The following CPQ variants were observed in gnomAD, a reference collection of about 807,000 sequenced individuals.
CPQ encodes the protein Ser-Met dipeptidase.
In CPQ, 37 loss-of-function variants were observed where a neutral mutation model predicts 45.7. The observed-to-expected ratio is 0.81, with a 90% CI of 0.62 to 1.07. CPQ has a LOEUF of 1.07. Ranked by LOEUF, CPQ falls within the 50% of genes least tolerant of loss-of-function variation. CPQ has a pLI of 0.00. For synonymous variants in CPQ, 186 were observed against 205.8 expected (o/e 0.90, Z 0.82); for missense variants, 537 against 572.9 (o/e 0.94, Z 0.64).
At chr8:96,773,432 C>A (rs1246044652) in intron 1 of CPQ, among the ~76,000 whole-genome samples, 2 of 152,082 alleles carry the variant, frequency 1.3e-5, no homozygotes, top group Admixed American at 6.6e-5. Context: ...GACTAGTGAG[C>A]TGAATCTTGC....
chr8:97,142,088 G>T (rs575573952), intron 7 of CPQ, among the ~76,000 whole-genome samples: 1 of 152,082 alleles, frequency 6.6e-6, no homozygotes, highest in Non-Finnish European at 1.5e-5. Flanking sequence ...AGATACTGGT[G>T]ATATCATTCT....
At chr8:97,103,404 A>G (rs1811350279) in intron 7 of CPQ, among the ~76,000 whole-genome samples, 1 of 152,210 alleles carries the variant, frequency 6.6e-6, no homozygotes, top group African/African-American at 2.4e-5. Context: ...TCACTTTAGA[A>G]AACTAGTATT....
chr8:96,849,239 C>A (rs1811739879), intron 3 of CPQ, among the ~76,000 whole-genome samples: 1 of 152,058 alleles, frequency 6.6e-6, no homozygotes, highest in Non-Finnish European at 1.5e-5. Context: ...AATTACTGAA[C>A]CTATTCTTGA....
chr8:96,671,237 G>T (rs1185524047), intron 1 of CPQ, among the ~76,000 whole-genome samples: 1 of 152,080 alleles, frequency 6.6e-6, no homozygotes, highest in Non-Finnish European at 1.5e-5. Flanking sequence ...TTGAATTCCT[G>T]CTTCGTTCTC....
At chr8:97,047,288 T>C (rs1192538892) in intron 6 of CPQ, among the ~76,000 whole-genome samples, 1 of 152,220 alleles carries the variant, frequency 6.6e-6, no homozygotes, top group Non-Finnish European at 1.5e-5. Flanking sequence ...GAGCCTGAAC[T>C]TGGACTTCAG....
At chr8:96,858,567 T>G (rs1050842415) in intron 3 of CPQ, among the ~76,000 whole-genome samples, 1 of 152,044 alleles carries the variant, frequency 6.6e-6, no homozygotes, top group African/African-American at 2.4e-5. Context: ...TGAGCAGAGG[T>G]CTCCCATTTG....
At position 96,909,976 on chromosome 8, in the gene CPQ, C is replaced by T. The variant is rs368058682; in HGVS notation, c.849+29971C>T. Among the ~76,000 whole-genome samples, 201 of 152,262 alleles carry T rather than the reference C, an allele frequency of 1.3e-3. 1 individual carries two copies. The highest frequency in any genetic ancestry group is 4.7e-3 in the African/African-American group (196 of 41,548). ...GTGTAGTGCTCGACCAGGTTGAGCA[C>T]GGGATTTGGAGTCAGCAGAACAGGT... On this transcript the variant is annotated intron_variant, in intron 4 of 7. Transcript: ENST00000220763.
At chr8:97,087,369 C>A (rs1453376283) in intron 7 of CPQ, among the ~76,000 whole-genome samples, 1 of 151,994 alleles carries the variant, frequency 6.6e-6, no homozygotes, top group African/African-American at 2.4e-5. Flanking sequence ...CTCAGGCAGG[C>A]AGCCTCGCCC....
intron 2 of CPQ, among the ~76,000 whole-genome samples, chr8:96,795,677 A>G (rs1810918365): frequency 6.6e-6 from 1 of 152,164 alleles, no homozygotes; most frequent in Admixed American, 6.5e-5. Flanking sequence ...TGCAATAATT[A>G]ATATAATGCC....
intron 2 of CPQ, among the ~76,000 whole-genome samples, chr8:96,817,471 A>C (rs1345393625): frequency 6.6e-6 from 1 of 152,168 alleles, no homozygotes; most frequent in African/African-American, 2.4e-5. Context: ...GAAGAGAGTT[A>C]GGGCTTTCCT....
intron 1 of CPQ, among the ~76,000 whole-genome samples, chr8:96,767,575 T>C (rs1278723536): frequency 6.6e-6 from 1 of 150,496 alleles, no homozygotes; most frequent in African/African-American, 2.4e-5. Context: ...TTTTTAACAA[T>C]TAGTCTTTGG....
chr8:96,948,280 A>G (rs1262067146), intron 4 of CPQ, among the ~76,000 whole-genome samples: 2 of 152,110 alleles, frequency 1.3e-5, no homozygotes, highest in Non-Finnish European at 2.9e-5. Flanking sequence ...GATAGTATGA[A>G]CATTTTAACA....
chr8:97,061,491 A>G (rs1810552347), intron 6 of CPQ, among the ~76,000 whole-genome samples: 1 of 152,126 alleles, frequency 6.6e-6, no homozygotes, highest in Non-Finnish European at 1.5e-5. Flanking sequence ...TAGGAGGTAG[A>G]AGCAATTCCT....
intron 1 of CPQ, among the ~76,000 whole-genome samples, chr8:96,755,810 A>T (rs771648229): frequency 6.6e-6 from 1 of 151,980 alleles, no homozygotes; most frequent in Non-Finnish European, 1.5e-5. Flanking sequence ...ATAAATTATG[A>T]TTATGATAAA....
At chr8:96,684,570 G>A (rs1809200228) in intron 1 of CPQ, among the ~76,000 whole-genome samples, 1 of 152,168 alleles carries the variant, frequency 6.6e-6, no homozygotes, top group African/African-American at 2.4e-5. Context: ...CTTGTCTTTA[G>A]GCCCCAGATG....
intron 3 of CPQ, among the ~76,000 whole-genome samples, chr8:96,865,928 C>T (rs930519779): frequency 1.3e-5 from 2 of 151,926 alleles, no homozygotes; most frequent in African/African-American, 4.8e-5. Flanking sequence ...CCATGCCTGT[C>T]TTAGGGAGTA....
chr8:97,058,781 G>A (rs1468017869), intron 6 of CPQ, among the ~76,000 whole-genome samples: 1 of 152,112 alleles, frequency 6.6e-6, no homozygotes, highest in Non-Finnish European at 1.5e-5. Context: ...ATTTAATTGT[G>A]AGCTCTTGAG....
At chr8:96,949,494 T>A (rs1813231918) in intron 4 of CPQ, among the ~76,000 whole-genome samples, 1 of 152,084 alleles carries the variant, frequency 6.6e-6, no homozygotes, top group East Asian at 1.9e-4. Flanking sequence ...TTATGTTCTA[T>A]CAGCCACCCT....
intron 1 of CPQ, among the ~76,000 whole-genome samples, chr8:96,695,404 C>A (rs1277311589): frequency 6.8e-6 from 1 of 146,550 alleles, no homozygotes; most frequent in Non-Finnish European, 1.5e-5. Context: ...TCTAAAACAC[C>A]AAAAGCAATG....
Sources: allele counts gnomAD v4.1 joint callset (sites outside exome capture counted in the v4.1 genomes callset), GRCh38; gene constraint gnomAD v4.1.1; transcripts MANE v1.5; gene names NCBI Gene and HGNC (gene_info 2026-07-23, HGNC 2026-07-21).